RANBP2: variants seen among roughly 807,000 people sequenced by gnomAD.
RANBP2 encodes E3 SUMO-protein ligase RanBP2.
A neutral mutation model predicts 303.6 loss-of-function variants in RANBP2; 57 were observed. The observed-to-expected ratio is 0.19, with a 90% CI of 0.15 to 0.23. RANBP2 has a LOEUF of 0.23. Among genes scored for constraint, RANBP2 ranks in the 10% least tolerant of loss-of-function variants. The probability of loss-of-function intolerance (pLI) is 1.00; values close to 1 mark genes in which losing one functional copy is unlikely to be tolerated. For missense variants in RANBP2, 3,138 were observed against 3,780.8 expected, an observed-to-expected ratio of 0.83 and a Z score of 4.46; for synonymous variants, 1,167 against 1,301.5, an observed-to-expected ratio of 0.90 and a Z score of 2.23.
the RANBP2 span, among the ~76,000 whole-genome samples, chr2:109,009,709 T>TC: frequency 1.0e-5 from 1 of 96,838 alleles, no homozygotes; most frequent in East Asian, 2.4e-4. Flanking sequence ...TACCTTTTTT[T>TC]TGTTTTTTTT....
chr2:108,848,488 A>T, the RANBP2 span, among the ~76,000 whole-genome samples: 2,813 of 152,328 alleles, frequency 0.018, 99 homozygotes, highest in African/African-American at 0.065. Flanking sequence ...GAATAGGTTG[A>T]TGAAGATTAT....
the RANBP2 span, among the ~76,000 whole-genome samples, chr2:109,682,703 G>C: frequency 7.9e-5 from 12 of 152,276 alleles, no homozygotes; most frequent in South Asian, 1.0e-3. Context: ...TGTTTGGGAG[G>C]TCGAGGCAGG....
At chr2:109,487,385 G>A in the RANBP2 span, among the ~76,000 whole-genome samples, 8 of 152,144 alleles carry the variant, frequency 5.3e-5, no homozygotes, top group East Asian at 1.9e-4. Context: ...CATGGATTCC[G>A]TGAGCATGAC....
At chr2:109,109,730 T>TA in the RANBP2 span, among the ~76,000 whole-genome samples, 1 of 152,208 alleles carries the variant, frequency 6.6e-6, no homozygotes, top group African/African-American at 2.4e-5. Context: ...ACCAATAGAT[T>TA]AGAGATTCAA....
the RANBP2 span, among the ~76,000 whole-genome samples, chr2:108,847,986 C>A: frequency 4.6e-5 from 7 of 151,902 alleles, no homozygotes; most frequent in Non-Finnish European, 8.8e-5. Flanking sequence ...ATCTCCAAAT[C>A]TTAAAAAAAA....
the RANBP2 span, among the ~76,000 whole-genome samples, chr2:109,693,516 G>A: frequency 1.5e-4 from 23 of 152,100 alleles, no homozygotes; most frequent in African/African-American, 2.4e-4. Context: ...TACTGTTCTC[G>A]TGGTAGTGAG....
the RANBP2 span, among the ~76,000 whole-genome samples, chr2:108,799,301 A>G: frequency 6.6e-6 from 1 of 152,198 alleles, no homozygotes; most frequent in Non-Finnish European, 1.5e-5. Flanking sequence ...ATTAAGATAT[A>G]TTTTACTGTA....
chr2:109,545,802 T>C, the RANBP2 span: 2 of 1,424,988 alleles, frequency 1.4e-6, no homozygotes, highest in Non-Finnish European at 1.8e-6. Flanking sequence ...CTGTGATGTA[T>C]TTTTATTTTG....
At chr2:109,564,575 A>C in the RANBP2 span, 4 of 1,440,446 alleles carry the variant, frequency 2.8e-6, no homozygotes, top group Non-Finnish European at 3.7e-6. Flanking sequence ...ACTGGATTTT[A>C]ATTCCTGGCA....
the RANBP2 span, among the ~76,000 whole-genome samples, chr2:108,987,512 C>A: frequency 6.6e-6 from 1 of 152,214 alleles, no homozygotes; most frequent in African/African-American, 2.4e-5. Context: ...GTATGCCCAA[C>A]AAAATGAAAG....
At chr2:108,735,322 C>T (rs1695485392) in intron 4 of RANBP2, among the ~76,000 whole-genome samples, 1 of 152,096 alleles carries the variant, frequency 6.6e-6, no homozygotes, top group Non-Finnish European at 1.5e-5. Context: ...CTGCAGTAAT[C>T]ACAGATGCTT....
the RANBP2 span, among the ~76,000 whole-genome samples, chr2:109,070,451 G>A: frequency 6.6e-6 from 1 of 152,090 alleles, no homozygotes; most frequent in African/African-American, 2.4e-5. Context: ...TTGGAGGTGG[G>A]GTCTGGTGGG....
the RANBP2 span, among the ~76,000 whole-genome samples, chr2:109,201,007 C>T: frequency 6.6e-6 from 1 of 152,164 alleles, no homozygotes; most frequent in Non-Finnish European, 1.5e-5. Context: ...GCAGCAGCAG[C>T]AGCTAAGTGG....
chr2:109,569,507 A>ATTGATGCCAAGTATAT, the RANBP2 span, among the ~76,000 whole-genome samples: 1 of 151,770 alleles, frequency 6.6e-6, no homozygotes, highest in Non-Finnish European at 1.5e-5. Context: ...CAAATTTCAC[A>ATTGATGCCAAGTATAT]TTGATGCCAA....
At chr2:109,021,128 T>C in the RANBP2 span, among the ~76,000 whole-genome samples, 1 of 152,040 alleles carries the variant, frequency 6.6e-6, no homozygotes, top group Admixed American at 6.6e-5. Flanking sequence ...AGGCTGAGAG[T>C]TCCTGGGGGA....
At chr2:109,288,790 A>G in the RANBP2 span, among the ~76,000 whole-genome samples, 1 of 152,224 alleles carries the variant, frequency 6.6e-6, no homozygotes, top group Non-Finnish European at 1.5e-5. Flanking sequence ...CTAGAAAGCT[A>G]CTACAGGAGG....
the RANBP2 span, among the ~76,000 whole-genome samples, chr2:109,567,215 G>A: frequency 6.6e-6 from 1 of 152,118 alleles, no homozygotes; most frequent in Non-Finnish European, 1.5e-5. Flanking sequence ...TAAGTCTCAG[G>A]GAGGTTAGTA....
At chr2:109,251,892 C>CT in the RANBP2 span, among the ~76,000 whole-genome samples, 1 of 152,110 alleles carries the variant, frequency 6.6e-6, no homozygotes, top group African/African-American at 2.4e-5. Flanking sequence ...GGGTTCTAGA[C>CT]TTTGAGTTCT....
rs770864823 is a variant in RANBP2, at chr2:108,755,049, A to G, written c.2347A>G (p.Thr783Ala). 1.9e-6 allele frequency: 3 copies of G among 1,611,840 alleles called. No homozygotes were observed. Among genetic ancestry groups the G allele is most frequent in the East Asian group, 2.2e-5 (1 of 44,864 alleles). ...SEIKHSTPSP[T>A]RYSLSPSKSY... is the part of the protein sequence containing the mutation. ...AATAAAACATTCTACACCGTCTCCT[A>G]CCAGATATTCACTATCACCAAGTAA... Residue 783 changes from threonine to alanine, a missense_variant, in exon 16 of 29, where the codon ACC becomes GCC. Thr to Ala is a moderately conservative substitution (Grantham distance 58). Around this residue, in one of 20 missense-constraint regions of RANBP2, gnomAD observed 194 missense variants for 197.4 expected, o/e 0.98. Transcript: ENST00000283195.
Sources: allele counts gnomAD v4.1 joint callset (sites outside exome capture counted in the v4.1 genomes callset), GRCh38; gene constraint gnomAD v4.1.1; regional missense constraint gnomAD v4.1.1; transcripts MANE v1.5; gene names NCBI Gene and HGNC (gene_info 2026-07-23, HGNC 2026-07-21).